Variants in P2RY2 observed in about 807,000 individuals in gnomAD.
P2RY2 encodes P2Y purinoceptor 2.
For synonymous variants in P2RY2, 241 were observed against 231.9 expected, an observed-to-expected ratio of 1.04 and a Z score of -0.35; for missense variants, 567 against 515.7, an observed-to-expected ratio of 1.10 and a Z score of -0.96.
chr11:73,233,087 G>C (rs1184627527), intron 2 of P2RY2, among the ~76,000 whole-genome samples: 1 of 152,160 alleles, frequency 6.6e-6, no homozygotes, highest in Non-Finnish European at 1.5e-5. Context: ...GATATGCAGA[G>C]AGAAACTGGA....
intron 1 of P2RY2, among the ~76,000 whole-genome samples, chr11:73,218,823 C>T (rs1429754727): frequency 1.3e-5 from 2 of 152,144 alleles, no homozygotes; most frequent in African/African-American, 2.4e-5. Flanking sequence ...GAGGCGGTGG[C>T]CGGTGCCCAG....
Position 73,235,209 on chromosome 11 carries a change from A to T in P2RY2, c.1050A>T (p.Glu350Asp). ...RSDRTDMQRI[E>D]DVLGSSEDSR... The stretch of plus-strand genomic sequence containing the variant: ...ACAGAACTGACATGCAGAGGATAGA[A>T]GATGTGTTGGGCAGCAGTGAGGACT... The change falls in exon 3 of 3, where the codon GAA (glutamate) becomes GAT (aspartate). Residue 350 changes from glutamate (E) to aspartate (D), a missense_variant. Physicochemically the swap from Glu to Asp is conservative, Grantham distance 45. Transcript: ENST00000393597. The T allele has an allele frequency of 6.2e-7, 1 of 1,612,104 alleles. No homozygotes were observed. Among genetic ancestry groups the T allele is most frequent in the South Asian group, 1.1e-5 (1 of 90,902 alleles).
At position 73,236,384 on chromosome 11, in the gene P2RY2, G is replaced by A; in HGVS notation, c.*1091G>A. 1 of 338,736 alleles carries A rather than the reference G, an allele frequency of 3.0e-6. No individual in the cohort carries two copies. Among genetic ancestry groups the A allele is most frequent in the Non-Finnish European group, 4.4e-6 (1 of 225,910 alleles). 21.0% of individuals were successfully genotyped at this position (338,736 alleles called of 1,614,324 possible). ...AAAATTTAACAATTGGTTCTTGCAA[G>A]CAGGTACAAGTCACTCTAGCACACC... On this transcript the variant is annotated 3_prime_UTR_variant, in exon 3 of 3. Transcript: ENST00000393597.
chr11:73,229,969 A>G (rs1046463842), intron 2 of P2RY2, among the ~76,000 whole-genome samples: 3 of 151,914 alleles, frequency 2.0e-5, no homozygotes, highest in Non-Finnish European at 4.4e-5. Flanking sequence ...GGATTTGACT[A>G]GTGTCTGAGA....
chr11:73,221,045 A>G (rs140317666), intron 1 of P2RY2, among the ~76,000 whole-genome samples: 2,145 of 152,322 alleles, frequency 0.014, 26 homozygotes, highest in Non-Finnish European at 0.023. Context: ...GAGGATTAAG[A>G]TAGTGACCAG....
chr11:73,229,452 A>G lies in P2RY2; in HGVS notation c.-5+1277A>G, dbSNP rs567333774. On this transcript the variant is annotated intron_variant, in intron 2 of 2. Coordinates refer to ENST00000393597, the MANE Select transcript of P2RY2 (RefSeq NM_002564.4). Reference sequence around the variant, plus strand: ...GTCCCAGGGGCATCAGGGTCAGGAGAGGCAGAAGGGAGACTTAAGGGAGGG... The same window carrying G: ...GTCCCAGGGGCATCAGGGTCAGGAGGGGCAGAAGGGAGACTTAAGGGAGGG... Among the ~76,000 whole-genome samples the G allele has an allele frequency of 1.4e-4, 21 of 152,092 alleles. No individual in the cohort carries two copies. The East Asian group carries it at 3.9e-3, about 28-fold the overall frequency.
chr11:73,221,938 G>T (rs1353637889), intron 1 of P2RY2, among the ~76,000 whole-genome samples: 1 of 152,166 alleles, frequency 6.6e-6, no homozygotes, highest in Non-Finnish European at 1.5e-5. Flanking sequence ...GGGAGGCTTT[G>T]CTCCACGGAG....
chr11:73,226,978 G>A (rs755039306), intron 1 of P2RY2, among the ~76,000 whole-genome samples: 2 of 151,990 alleles, frequency 1.3e-5, no homozygotes, highest in Admixed American at 6.6e-5. Context: ...TGTTCAGAAC[G>A]TACAGTTTTG....
At chr11:73,234,011 G>C in intron 2 of P2RY2, 145 bp from the exon 3 acceptor site, 1 of 849,290 alleles carries the variant, frequency 1.2e-6, no homozygotes, top group East Asian at 2.7e-5. Flanking sequence ...TTGATCTCAT[G>C]CATTCTCAAG....
At chr11:73,222,695 G>T (rs1434970814) in intron 1 of P2RY2, among the ~76,000 whole-genome samples, 4 of 151,940 alleles carry the variant, frequency 2.6e-5, no homozygotes, top group African/African-American at 7.3e-5. Context: ...CTCCCTCTTT[G>T]CCCACCTGAC....
At chr11:73,231,064 G>A (rs986197277) in intron 2 of P2RY2, among the ~76,000 whole-genome samples, 7 of 152,156 alleles carry the variant, frequency 4.6e-5, no homozygotes, top group Non-Finnish European at 1.0e-4. Flanking sequence ...CAGAGCCCCA[G>A]CATCTACCTG....
At position 73,220,722 on chromosome 11, in the gene P2RY2, G is replaced by A. The variant is rs116450525; in HGVS notation, c.-200+2290G>A. Among the ~76,000 whole-genome samples, 1,253 of 152,274 alleles carry A rather than the reference G, an allele frequency of 8.2e-3. 20 individuals are homozygous for A. The highest frequency in any genetic ancestry group is 0.028 in the African/African-American group (1,182 of 41,544). ...CTGCCTTGGGCTGTCTTGGAGTCTG[G>A]TCAGAGGGGTTGGGGATCCCAGTGG... is the stretch of plus-strand genomic sequence containing the variant. On this transcript the variant is annotated intron_variant, in intron 1 of 2. Coordinates refer to ENST00000393597, the MANE Select transcript of P2RY2 (RefSeq NM_002564.4).
At chr11:73,223,472 C>A (rs1862180193) in intron 1 of P2RY2, among the ~76,000 whole-genome samples, 1 of 117,772 alleles carries the variant, frequency 8.5e-6, no homozygotes, top group African/African-American at 2.9e-5. Flanking sequence ...ACACAGCCTC[C>A]ACATTAGGAC....
rs376616103 is a variant in P2RY2, at chr11:73,220,294, G to A, written c.-200+1862G>A. On this transcript the variant is annotated intron_variant, in intron 1 of 2. Coordinates refer to ENST00000393597, the MANE Select transcript of P2RY2 (RefSeq NM_002564.4). Reference sequence around the variant, plus strand: ...AGAGATTTTATCCTGAAGGCAATAGGGAGCCATGGAAATTTATGAGCAGAG... The same window carrying A: ...AGAGATTTTATCCTGAAGGCAATAGAGAGCCATGGAAATTTATGAGCAGAG... Among the ~76,000 whole-genome samples the A allele has an allele frequency of 7.2e-5, 11 of 152,318 alleles. 1 individual carries two copies. Among genetic ancestry groups the A allele is most frequent in the African/African-American group, 2.2e-4 (9 of 41,570 alleles).
At chr11:73,221,083 A>G (rs947299230) in intron 1 of P2RY2, among the ~76,000 whole-genome samples, 1 of 152,218 alleles carries the variant, frequency 6.6e-6, no homozygotes, top group African/African-American at 2.4e-5. Context: ...CTTAAACTGC[A>G]GTGCTCAGAG....
At position 73,234,661 on chromosome 11, in the gene P2RY2, G is replaced by A. The variant is rs1862572092; in HGVS notation, c.502G>A (p.Val168Met). Residue 168 changes from valine (V) to methionine (M), a missense_variant, in exon 3 of 3, where the codon GTG becomes ATG. Physicochemically the swap from Val to Met is conservative, Grantham distance 21. Transcript: ENST00000393597. Reference sequence around the variant, plus strand: ...GTTGGTGCTGGCCTGCCAGGCCCCCGTGCTCTACTTTGTCACCACCAGCGC... The same window carrying A: ...GTTGGTGCTGGCCTGCCAGGCCCCCATGCTCTACTTTGTCACCACCAGCGC... ...WVLVLACQAP[V>M]LYFVTTSARG... is the part of the protein sequence containing the mutation. 5 of 1,587,868 alleles carry A rather than the reference G, an allele frequency of 3.1e-6. No individual in the cohort carries two copies. Among genetic ancestry groups the A allele is most frequent in the South Asian group, 1.1e-5 (1 of 87,710 alleles).
chr11:73,234,639 G>C lies in P2RY2; in HGVS notation c.480G>C (p.Leu160Phe). 6.4e-7 allele frequency: 1 copy of C among 1,574,722 alleles called. No homozygotes were observed. Among genetic ancestry groups the C allele is most frequent in the Non-Finnish European group, 8.6e-7 (1 of 1,159,494 alleles). ...GGGTGGCCGGGGCCGTGTGGGTGTT[G>C]GTGCTGGCCTGCCAGGCCCCCGTGC... ...ARRVAGAVWV[L>F]VLACQAPVLY... The change falls in exon 3 of 3, where the codon TTG (leucine) becomes TTC (phenylalanine). Residue 160 changes from leucine (L) to phenylalanine (F), a missense_variant. Transcript: ENST00000393597.
rs549902137 is a variant in P2RY2 at position 73,237,156 on chromosome 11, C to T, written c.*1863C>T. The T allele has an allele frequency of 5.3e-5, 52 of 981,582 alleles. No homozygotes were observed. Among genetic ancestry groups the T allele is most frequent in the Non-Finnish European group, 6.2e-5 (51 of 826,526 alleles). The allele number at this position is 981,582 out of a possible 1,614,324, so 60.8% of individuals were successfully genotyped here. A position where few individuals can be genotyped will look rare whatever the true frequency, so the allele number is the denominator to read the frequency against. On this transcript the variant is annotated 3_prime_UTR_variant, in exon 3 of 3. Transcript: ENST00000393597. The stretch of plus-strand genomic sequence containing the variant: ...CCCAAATGATTACTCTGTACTGTGC[C>T]AGGTGGGTGACCTGCCCAGAATAGT...
intron 2 of P2RY2, among the ~76,000 whole-genome samples, chr11:73,229,406 A>G (rs116919851): frequency 0.035 from 5,379 of 152,100 alleles, 139 homozygotes; most frequent in Non-Finnish European, 0.054. Flanking sequence ...AGCGTTGGAT[A>G]GTCAGGTGGA....
Sources: gnomAD v4.1 joint callset for allele counts (sites outside exome capture counted in the v4.1 genomes callset) on GRCh38, gnomAD v4.1.1 for gene constraint, MANE v1.5 for transcripts, NCBI Gene and HGNC (gene_info 2026-07-23, HGNC 2026-07-21) for gene names.